TRPM1: variants seen among roughly 807,000 people sequenced by gnomAD.
TRPM1 encodes the protein transient receptor potential cation channel subfamily M member 1.
A neutral mutation model predicts 149.4 loss-of-function variants in TRPM1; 113 were observed. The ratio of observed to expected loss-of-function variants is 0.76; its 90% CI spans 0.65 to 0.88. The LOEUF is 0.88. Among genes scored for constraint, TRPM1 ranks in the 40% least tolerant of loss-of-function variants. The pLI is 0.00. For synonymous variants in TRPM1, 741 were observed against 759.5 expected (o/e 0.98, Z 0.40); for missense variants, 1,976 against 2,038.7 (o/e 0.97, Z 0.59).
chr15:31,041,848 C>T (rs1055682613), intron 17 of TRPM1, 103 bp downstream of exon 17: 100 of 1,274,074 alleles, frequency 7.8e-5, no homozygotes, highest in Non-Finnish European at 1.1e-4. Context: ...GCTTTAACCA[C>T]CATTGTCCTT....
chr15:31,114,717 A>C (rs1011541152), intron 1 of TRPM1, among the ~76,000 whole-genome samples: 17 of 152,232 alleles, frequency 1.1e-4, no homozygotes, highest in African/African-American at 3.9e-4. Flanking sequence ...GCCAACCTAG[A>C]ATTTTATGTC....
chr15:31,127,188 G>A (rs962057147), intron 1 of TRPM1, among the ~76,000 whole-genome samples: 4 of 152,178 alleles, frequency 2.6e-5, no homozygotes, highest in Non-Finnish European at 4.4e-5. Flanking sequence ...GACCTTGACT[G>A]TGGAGAAGAG....
chr15:31,072,152 A>T (rs1221090552), intron 3 of TRPM1, among the ~76,000 whole-genome samples: 1 of 151,624 alleles, frequency 6.6e-6, no homozygotes, highest in East Asian at 1.9e-4. Flanking sequence ...GGCATATTTT[A>T]AGTTATCTTC....
At chr15:31,117,021 C>G (rs1239896807) in intron 1 of TRPM1, among the ~76,000 whole-genome samples, 1 of 152,198 alleles carries the variant, frequency 6.6e-6, no homozygotes, top group African/African-American at 2.4e-5. Flanking sequence ...TTTGGAATCA[C>G]CAGGCTGGGA....
At chr15:31,160,598 G>T (rs917829849) in intron 1 of TRPM1, among the ~76,000 whole-genome samples, 2 of 152,222 alleles carry the variant, frequency 1.3e-5, no homozygotes, top group Non-Finnish European at 2.9e-5. Context: ...GCAAAACTCC[G>T]CAACTGCTGA....
chr15:31,042,411 G>A (rs1260856554), intron 16 of TRPM1, 168 bp from the exon 17 acceptor site: 15 of 714,976 alleles, frequency 2.1e-5, no homozygotes, highest in South Asian at 9.2e-5. Flanking sequence ...AGATGCACAC[G>A]TTTATTATGA....
intron 27 of TRPM1, among the ~76,000 whole-genome samples, chr15:31,016,079 G>A (rs2032346018): frequency 1.3e-5 from 2 of 152,184 alleles, no homozygotes; most frequent in Non-Finnish European, 2.9e-5. Context: ...AATGAAAGCT[G>A]TCTTGGTGAT....
rs921309306 is a variant in TRPM1, at chr15:31,060,662, C to T, written c.1163-18G>A. The T allele has an allele frequency of 5.6e-6, 9 of 1,610,020 alleles. No homozygotes were observed. The highest frequency in any genetic ancestry group is 2.2e-5 in the East Asian group (1 of 44,870). Reference sequence around the variant, plus strand: ...GTTTGTTCCTGGAAAGGCAAGAAACCGGAATGATTTTTCACTCCACGCCTG... The same window carrying T: ...GTTTGTTCCTGGAAAGGCAAGAAACTGGAATGATTTTTCACTCCACGCCTG... On this transcript the variant is annotated intron_variant, in intron 10 of 27. Coordinates refer to ENST00000256552, the MANE Select transcript of TRPM1 (RefSeq NM_001252024.2).
At chr15:31,065,164 C>G (rs755648065) in intron 7 of TRPM1, 23 of 530,272 alleles carry the variant, frequency 4.3e-5, no homozygotes, top group South Asian at 3.2e-4. Context: ...TAAAAACTTA[C>G]AAGTCCAGAA....
At chr15:31,092,394 G>C (rs1420016596) in intron 1 of TRPM1, among the ~76,000 whole-genome samples, 1 of 152,254 alleles carries the variant, frequency 6.6e-6, no homozygotes, top group African/African-American at 2.4e-5. Context: ...TCTGGGAGGC[G>C]AGTGGCACCA....
upstream of TRPM1, among the ~76,000 whole-genome samples, chr15:31,105,858 G>A (rs947103232): frequency 6.6e-6 from 1 of 152,208 alleles, no homozygotes; most frequent in Non-Finnish European, 1.5e-5. Flanking sequence ...CGCTGGCAAT[G>A]TCTGAGAATT....
In TRPM1 at chr15:31,063,160, G is replaced by A. The variant is rs766359961; in HGVS notation, c.923C>T (p.Ser308Leu). 8.1e-6 allele frequency: 13 copies of A among 1,614,074 alleles called. No individual in the cohort carries two copies. Among genetic ancestry groups the A allele is most frequent in the African/African-American group, 4.0e-5 (3 of 74,922 alleles). Residue 308 changes from serine to leucine, a missense_variant, in exon 8 of 28, where the codon TCG (serine) becomes TTG (leucine). Coordinates refer to ENST00000256552, the MANE Select transcript of TRPM1 (RefSeq NM_001252024.2). ...VVICDGSGRA[S>L]DILSFAHKYC... The stretch of plus-strand genomic sequence containing the variant: ...CTTGTGCGCAAAGGACAGGATGTCC[G>A]AGGCACGTCCGCTGCCATCACAAAT...
rs77126732 is a variant in TRPM1, at chr15:31,060,525, C to G, written c.1263+19G>C. ...CAAAGTCAAGATCAATGATATGAAT[C>G]GAAAAAAAACAGTTTCACCGGCCAG... On this transcript the variant is annotated intron_variant, in intron 11 of 27. Coordinates refer to ENST00000256552, the MANE Select transcript of TRPM1 (RefSeq NM_001252024.2). The G allele has an allele frequency of 2.3e-5, 36 of 1,599,988 alleles. No individual in the cohort carries two copies. The highest frequency in any genetic ancestry group is 1.5e-4 in the South Asian group (14 of 90,622).
In TRPM1 at chr15:31,050,460, T is replaced by G; in HGVS notation, c.1386A>C (p.Lys462Asn). Residue 462 changes from lysine (K) to asparagine (N), a missense_variant, in exon 12 of 28, where the codon AAA becomes AAC. Around this residue, in one of 3 missense-constraint regions of TRPM1, gnomAD observed 1,332 missense variants for 1,347.1 expected, o/e 0.99. Coordinates refer to ENST00000256552, the MANE Select transcript of TRPM1 (RefSeq NM_001252024.2). ...KGKGKKKGKVKEEVEEETDPR... is the reference protein window; with the variant it reads ...KGKGKKKGKVNEEVEEETDPR... ...GGTCAGTTTCTTCCTCCACTTCCTC[T>G]TTCACTTTCCCTTTCTTCTTGCCTT... The G allele has an allele frequency of 6.2e-7, 1 of 1,614,102 alleles. No individual in the cohort carries two copies. Among genetic ancestry groups the G allele is most frequent in the Non-Finnish European group, 8.5e-7 (1 of 1,180,016 alleles).
At chr15:31,107,641 A>T (rs753183279) in intron 1 of TRPM1, among the ~76,000 whole-genome samples, 2 of 151,758 alleles carry the variant, frequency 1.3e-5, no homozygotes, top group Non-Finnish European at 2.9e-5. Context: ...CTAAAGTTGA[A>T]GGTTAGGTTA....
intron 1 of TRPM1, among the ~76,000 whole-genome samples, chr15:31,125,686 C>T (rs1220421006): frequency 4.8e-5 from 6 of 125,558 alleles, no homozygotes; most frequent in Non-Finnish European, 6.4e-5. Context: ...GCCGAGATCC[C>T]GCCACTGCAC....
At chr15:31,080,219 A>G (rs1184215498) in intron 2 of TRPM1, among the ~76,000 whole-genome samples, 2 of 152,206 alleles carry the variant, frequency 1.3e-5, no homozygotes, top group African/African-American at 4.8e-5. Context: ...GAATGCTAAA[A>G]GTAGTGGGTA....
intron 1 of TRPM1, among the ~76,000 whole-genome samples, chr15:31,125,855 G>T (rs2035944623): frequency 1.3e-5 from 2 of 152,028 alleles, no homozygotes; most frequent in Admixed American, 1.3e-4. Context: ...GTATGGCTGG[G>T]TGCAGTGGCT....
intron 1 of TRPM1, among the ~76,000 whole-genome samples, chr15:31,085,526 A>G (rs1184483942): frequency 6.6e-6 from 1 of 152,188 alleles, no homozygotes; most frequent in African/African-American, 2.4e-5. Flanking sequence ...CACACGCCCA[A>G]TTGTTTTTAG....
Sources: allele counts gnomAD v4.1 joint callset (sites outside exome capture counted in the v4.1 genomes callset), GRCh38; gene constraint gnomAD v4.1.1; regional missense constraint gnomAD v4.1.1; transcripts MANE v1.5; gene names NCBI Gene and HGNC (gene_info 2026-07-23, HGNC 2026-07-21).